RAET1L: variants seen among roughly 807,000 people sequenced by gnomAD.
The protein encoded by RAET1L is UL16-binding protein 6.
A neutral mutation model predicts 23.9 loss-of-function variants in RAET1L; 16 were observed. That is an observed-to-expected ratio of 0.67 (90% confidence interval 0.45 to 1.02). The LOEUF (loss-of-function observed/expected upper bound fraction) is 1.02, where lower values mean the gene tolerates loss of function less well. RAET1L is among the 50% of genes least tolerant of loss of function. The pLI, the probability that RAET1L is intolerant of heterozygous loss-of-function variation, is 0.00. For missense variants in RAET1L, 233 were observed against 304.0 expected (o/e 0.77, Z 1.74); for synonymous variants, 70 against 111.2 (o/e 0.63, Z 2.33).
chr6:150,024,608 T>G (rs1435191717), intron 1 of RAET1L, among the ~76,000 whole-genome samples: 1 of 151,760 alleles, frequency 6.6e-6, no homozygotes, highest in Non-Finnish European at 1.5e-5. Context: ...CTCACCAGAG[T>G]TCCCAGGGTC....
rs201147522 is a variant in RAET1L at position 150,022,223 on chromosome 6, C to A, written c.106G>T (p.Asp36Tyr). 1.9e-5 allele frequency: 29 copies of A among 1,567,106 alleles called. No homozygotes were observed. The highest frequency in any genetic ancestry group is 3.4e-5 in the South Asian group (3 of 88,996). The change falls in exon 2 of 5, where the codon GAC becomes TAC. Residue 36 changes from aspartate (D) to tyrosine (Y), a missense_variant. Transcript: ENST00000367341. ...RRDDPHSLCY[D>Y]ITVIPKFRPG... ...CTGAACTTAGGGATGACGGTGATGT[C>A]ATAGCAAAGAGAGTGAGGGTCTGTG...
At chr6:150,024,548 G>A (rs1261193510) in intron 1 of RAET1L, among the ~76,000 whole-genome samples, 1 of 150,450 alleles carries the variant, frequency 6.6e-6, no homozygotes, top group Non-Finnish European at 1.5e-5. Context: ...TGACACCCCC[G>A]TAGGAAGAAC....
At chr6:150,021,939 C>T (rs1315920965) in intron 2 of RAET1L, 41 bp downstream of exon 2, 1 of 1,610,054 alleles carries the variant, frequency 6.2e-7, no homozygotes, top group South Asian at 1.1e-5. Context: ...TAACCTACCA[C>T]TGTATCTGCT....
At position 150,018,806 on chromosome 6, in the gene RAET1L, G is replaced by T. The variant is rs138004858; in HGVS notation, c.*72C>A. On this transcript the variant is annotated 3_prime_UTR_variant, in exon 5 of 5. Coordinates refer to ENST00000367341, the MANE Select transcript of RAET1L (RefSeq NM_130900.3). ...TGGGCAGCTGGCCAGACAGAAGGGC[G>T]AGGTTGATCAAGACCGTGCTCACAG... 0.013 allele frequency: 3,823 copies of T among 301,882 alleles called. 224 individuals carry two copies. The highest frequency in any genetic ancestry group is 0.11 in the Admixed American group (2,478 of 23,456). The allele number at this position is 301,882 out of a possible 1,614,324, so 18.7% of individuals were successfully genotyped here.
At chr6:150,024,703 G>A (rs1779926722) in intron 1 of RAET1L, among the ~76,000 whole-genome samples, 2 of 152,078 alleles carry the variant, frequency 1.3e-5, no homozygotes. Context: ...GTGTCCTCAG[G>A]CAAGAGGCAG....
At chr6:150,020,624 A>G (rs1779873303) in intron 3 of RAET1L, among the ~76,000 whole-genome samples, 1 of 152,160 alleles carries the variant, frequency 6.6e-6, no homozygotes, top group Non-Finnish European at 1.5e-5. Context: ...CTAAGGAAAA[A>G]GTTCTGAAAA....
chr6:150,025,408 A>G lies in RAET1L; in HGVS notation c.64T>C (p.Trp22Arg). ...TCACCGTCTCGCCTAGCCCGGGACCAGCCGAACAGCAGGAACAGAAGCGGG... is the reference window on the plus strand; with the variant it reads ...TCACCGTCTCGCCTAGCCCGGGACCGGCCGAACAGCAGGAACAGAAGCGGG... The part of the protein sequence containing the change: ...CLPLLFLLFG[W>R]SRARRDDPHS... The change falls in exon 1 of 5, where the codon TGG becomes CGG. Residue 22 changes from tryptophan to arginine, a missense_variant. Around this residue, in one of 4 missense-constraint regions of RAET1L, gnomAD observed 42 missense variants for 35.0 expected, o/e 1.20. Transcript: ENST00000367341. The G allele has an allele frequency of 6.2e-7, 1 of 1,613,988 alleles. No homozygotes were observed. The highest frequency in any genetic ancestry group is 8.5e-7 in the Non-Finnish European group (1 of 1,179,874).
At chr6:150,020,789 G>A (rs1265881981) in intron 3 of RAET1L, 116 bp downstream of exon 3, 5 of 1,526,136 alleles carry the variant, frequency 3.3e-6, no homozygotes, top group Non-Finnish European at 1.8e-6. Flanking sequence ...CGACGAGGAG[G>A]TCATTTTAAC....
chr6:150,025,435 GGCACA>G lies in RAET1L; in HGVS notation c.32_36del (p.Leu11ProfsTer14). ...CCGAACAGCAGGAACAGAAGCGGGA[GGCACA>G]GAAGCAAAGCTGGGATGGCGGCTGC... is the stretch of plus-strand genomic sequence containing the variant. On this transcript the variant is annotated frameshift_variant, in exon 1 of 5. Coordinates refer to ENST00000367341, the MANE Select transcript of RAET1L (RefSeq NM_130900.3). LOFTEE classifies it high-confidence loss of function. 6.2e-7 allele frequency: 1 copy of G among 1,614,098 alleles called. No individual in the cohort carries two copies. The highest frequency in any genetic ancestry group is 1.3e-5 in the African/African-American group (1 of 75,066).
At chr6:150,020,616 A>G (rs1271260074) in intron 3 of RAET1L, among the ~76,000 whole-genome samples, 1 of 152,180 alleles carries the variant, frequency 6.6e-6, no homozygotes, top group Non-Finnish European at 1.5e-5. Context: ...AGGAAACACT[A>G]AGGAAAAAGT....
At chr6:150,024,649 C>A (rs1368400771) in intron 1 of RAET1L, among the ~76,000 whole-genome samples, 7 of 151,830 alleles carry the variant, frequency 4.6e-5, no homozygotes, top group African/African-American at 1.7e-4. Context: ...TCCCATCCCC[C>A]CTGCACAGGT....
Position 150,022,045 on chromosome 6 carries a change from C to G in RAET1L, c.284G>C (p.Arg95Thr), listed in dbSNP as rs1444445207. 10 of 1,402,514 alleles carry G rather than the reference C, an allele frequency of 7.1e-6. No individual in the cohort carries two copies. Among genetic ancestry groups the G allele is most frequent in the Admixed American group, 1.7e-5 (1 of 57,562 alleles). The allele number at this position is 1,402,514 out of a possible 1,614,324, so 86.9% of individuals were successfully genotyped here. A position where few individuals can be genotyped will look rare whatever the true frequency, so the allele number is the denominator to read the frequency against. ...CTCTGTAAGTATGTCCACCACCTCT[C>G]TCAGTACTGGGTTCTGTGCTTTCCA... Reference protein sequence around the residue: ...MAWKAQNPVLREVVDILTEQL... With the variant: ...MAWKAQNPVLTEVVDILTEQL... Residue 95 changes from arginine (R) to threonine (T), a missense_variant, in exon 2 of 5, where the codon AGA (arginine) becomes ACA (threonine). This residue lies in a region of RAET1L where 44 missense variants were observed against 107.4 expected (regional missense o/e 0.41). Coordinates refer to ENST00000367341, the MANE Select transcript of RAET1L (RefSeq NM_130900.3).
intron 1 of RAET1L, among the ~76,000 whole-genome samples, chr6:150,023,302 A>T (rs1176951491): frequency 6.6e-6 from 1 of 152,054 alleles, no homozygotes; most frequent in African/African-American, 2.4e-5. Context: ...ATTACAAGAA[A>T]CAGAGATAAA....
chr6:150,024,446 C>A (rs1001690368), intron 1 of RAET1L, among the ~76,000 whole-genome samples: 38 of 152,216 alleles, frequency 2.5e-4, no homozygotes, highest in African/African-American at 8.7e-4. Context: ...GACGGAGAAC[C>A]CATGGCCTGC....
chr6:150,023,738 T>C (rs1309550795), intron 1 of RAET1L, among the ~76,000 whole-genome samples: 9 of 152,000 alleles, frequency 5.9e-5, no homozygotes, highest in African/African-American at 2.2e-4. Flanking sequence ...AGAGATTCCA[T>C]GTGAATATTC....
At chr6:150,019,201 C>T (rs1562508185) in intron 4 of RAET1L, among the ~76,000 whole-genome samples, 2 of 152,216 alleles carry the variant, frequency 1.3e-5, no homozygotes, top group Non-Finnish European at 2.9e-5. Context: ...AAAGAGAGGG[C>T]TCTGTATTCC....
intron 1 of RAET1L, among the ~76,000 whole-genome samples, chr6:150,023,519 TG>T (rs1779911334): frequency 6.6e-6 from 1 of 152,170 alleles, no homozygotes; most frequent in Non-Finnish European, 1.5e-5. Flanking sequence ...GAGTTTGCTG[TG>T]AAGGGCAATT....
Position 150,025,464 on chromosome 6 carries a change from G to A in RAET1L, c.8C>T (p.Ala3Val), listed in dbSNP as rs2114763000. MA[A>V]AAIPALLLCL... The stretch of plus-strand genomic sequence containing the variant: ...CAGAAGCAAAGCTGGGATGGCGGCT[G>A]CTGCCATTGGGGACCAGGAGGGCTG... The change falls in exon 1 of 5, where the codon GCA becomes GTA. Residue 3 changes from alanine (A) to valine (V), a missense_variant. Physicochemically the swap from Ala to Val is moderately conservative, Grantham distance 64. Transcript: ENST00000367341. 6.2e-7 allele frequency: 1 copy of A among 1,613,872 alleles called. No individual in the cohort carries two copies. Among genetic ancestry groups the A allele is most frequent in the South Asian group, 1.1e-5 (1 of 91,078 alleles).
intron 1 of RAET1L, among the ~76,000 whole-genome samples, chr6:150,024,196 C>T (rs1779919124): frequency 6.6e-6 from 1 of 152,130 alleles, no homozygotes; most frequent in Non-Finnish European, 1.5e-5. Context: ...ACTATGGGAC[C>T]CCCACTCCCA....
Sources: gnomAD v4.1 joint callset for allele counts (sites outside exome capture counted in the v4.1 genomes callset) on GRCh38, gnomAD v4.1.1 for gene constraint, gnomAD v4.1.1 regional missense constraint, MANE v1.5 for transcripts, NCBI Gene and HGNC (gene_info 2026-07-23, HGNC 2026-07-21) for gene names.